MIER1: variants seen among roughly 807,000 people sequenced by gnomAD.
The protein encoded by MIER1 is mesoderm induction early response protein 1.
In MIER1, 40 loss-of-function variants were observed where a neutral mutation model predicts 75.7. That is an observed-to-expected ratio of 0.53 (90% CI 0.41 to 0.69). MIER1 has a LOEUF of 0.69. Among genes scored for constraint, MIER1 ranks in the 30% least tolerant of loss-of-function variants. The probability of loss-of-function intolerance (pLI) is 0.00; values close to 1 mark genes in which losing one functional copy is unlikely to be tolerated. For synonymous variants in MIER1, 213 were observed against 223.4 expected (o/e 0.95, Z 0.42); for missense variants, 574 against 680.2 (o/e 0.84, Z 1.74).
intron 3 of MIER1, among the ~76,000 whole-genome samples, chr1:66,945,567 T>A (rs1657424505): frequency 6.6e-6 from 1 of 152,034 alleles, no homozygotes. Flanking sequence ...ATTAATCAAA[T>A]GGTTAAGAAT....
At chr1:66,947,054 A>G in intron 4 of MIER1, 2 of 955,464 alleles carry the variant, frequency 2.1e-6, no homozygotes, top group Non-Finnish European at 2.5e-6. Context: ...GGTCAGTTGC[A>G]TCAGAATCAA....
chr1:66,959,803 G>A lies in MIER1; in HGVS notation c.699+60G>A, dbSNP rs567875497. Reference sequence around the variant, plus strand: ...AATTAATATTTTTTTAAAAAGCCTCGTGTAATTATTTTTTTTTTTACTAAC... The same window carrying A: ...AATTAATATTTTTTTAAAAAGCCTCATGTAATTATTTTTTTTTTTACTAAC... On this transcript the variant is annotated intron_variant, in intron 7 of 13. Transcript: ENST00000401041. The A allele has an allele frequency of 1.1e-4, 87 of 773,986 alleles. No individual in the cohort carries two copies. In the South Asian group the frequency reaches 1.2e-3, roughly 10 times the overall value. The allele number at this position is 773,986 out of a possible 1,614,324, so 47.9% of individuals were successfully genotyped here.
intron 2 of MIER1, chr1:66,929,087 G>GAT (rs1453976235): frequency 2.9e-6 from 2 of 689,194 alleles, no homozygotes; most frequent in African/African-American, 3.6e-5. Flanking sequence ...GAAAATGCTT[G>GAT]ATAGAGTCTA....
At chr1:66,974,410 A>G (rs543024184) in intron 11 of MIER1, among the ~76,000 whole-genome samples, 53 of 151,992 alleles carry the variant, frequency 3.5e-4, no homozygotes, top group African/African-American at 1.2e-3. Flanking sequence ...GAAAGGGACA[A>G]CATTTTTGGA....
intron 8 of MIER1, among the ~76,000 whole-genome samples, chr1:66,968,434 CTT>C (rs35832076): frequency 1.3e-5 from 2 of 149,036 alleles, no homozygotes; most frequent in Admixed American, 1.3e-4. Context: ...TGAACACAGA[CTT>C]TTTTTTTTAA....
chr1:66,967,019 C>G (rs1005032051), intron 8 of MIER1, among the ~76,000 whole-genome samples: 2 of 152,048 alleles, frequency 1.3e-5, no homozygotes, highest in African/African-American at 4.8e-5. Context: ...TTAATATGAT[C>G]CTATTTGTCT....
intron 8 of MIER1, among the ~76,000 whole-genome samples, chr1:66,970,575 A>G (rs1663395981): frequency 6.6e-6 from 1 of 152,180 alleles, no homozygotes; most frequent in South Asian, 2.1e-4. Context: ...TAAACTCAAG[A>G]TAAAGTCAGA....
At chr1:66,934,405 CTT>C (rs34839262) in intron 2 of MIER1, among the ~76,000 whole-genome samples, 24 of 135,470 alleles carry the variant, frequency 1.8e-4, no homozygotes, top group Admixed American at 2.3e-4. Context: ...TTCTTTCTTT[CTT>C]TTTTTTTTTT....
intron 2 of MIER1, among the ~76,000 whole-genome samples, chr1:66,936,080 A>C (rs1050735181): frequency 6.6e-6 from 1 of 152,200 alleles, no homozygotes; most frequent in Non-Finnish European, 1.5e-5. Flanking sequence ...TGTGGTTGAC[A>C]TAACTTTTTT....
intron 2 of MIER1, among the ~76,000 whole-genome samples, chr1:66,932,068 T>A (rs768931695): frequency 1.8e-4 from 28 of 152,144 alleles, no homozygotes; most frequent in Non-Finnish European, 3.8e-4. Flanking sequence ...TTTTAAAAAA[T>A]AAATTTTATT....
intron 7 of MIER1, chr1:66,960,117 T>A (rs1256324193): frequency 6.5e-6 from 1 of 153,338 alleles, no homozygotes; most frequent in Non-Finnish European, 1.5e-5. Flanking sequence ...AGTCCTGAAC[T>A]AGTGCCAAAT....
At chr1:66,963,861 T>A (rs542310865) in intron 8 of MIER1, among the ~76,000 whole-genome samples, 47 of 151,928 alleles carry the variant, frequency 3.1e-4, no homozygotes, top group Non-Finnish European at 6.0e-4. Context: ...TGAGCCAGTA[T>A]CGCACCACTG....
intron 2 of MIER1, among the ~76,000 whole-genome samples, chr1:66,935,910 A>G (rs1254414724): frequency 6.6e-6 from 1 of 152,148 alleles, no homozygotes; most frequent in Non-Finnish European, 1.5e-5. Flanking sequence ...TGGAAGAACT[A>G]TGTATCATTT....
At chr1:66,939,103 C>T (rs769218384) in intron 2 of MIER1, among the ~76,000 whole-genome samples, 18 of 152,074 alleles carry the variant, frequency 1.2e-4, no homozygotes, top group Non-Finnish European at 2.2e-4. Flanking sequence ...CTCCCACCAT[C>T]TGTATTTTCT....
chr1:66,944,355 C>T (rs17097309), intron 3 of MIER1, among the ~76,000 whole-genome samples: 10,320 of 151,136 alleles, frequency 0.068, 1,125 homozygotes, highest in African/African-American at 0.24. Flanking sequence ...TATCAGTAAA[C>T]AATGCTTTTG....
At chr1:66,949,440 GA>G (rs1658413369) in intron 4 of MIER1, among the ~76,000 whole-genome samples, 1 of 152,002 alleles carries the variant, frequency 6.6e-6, no homozygotes, top group African/African-American at 2.4e-5. Flanking sequence ...CCTGCCTTAG[GA>G]AATAGAAGTT....
intron 2 of MIER1, among the ~76,000 whole-genome samples, chr1:66,931,243 T>C (rs1362400309): frequency 6.6e-6 from 1 of 152,216 alleles, no homozygotes; most frequent in Non-Finnish European, 1.5e-5. Context: ...CTGCTGTTGA[T>C]TTATTAATCG....
In MIER1 at chr1:66,985,085, G is replaced by T; in HGVS notation, c.*185G>T. 7.5e-7 allele frequency: 1 copy of T among 1,326,558 alleles called. No homozygotes were observed. The highest frequency in any genetic ancestry group is 9.7e-7 in the Non-Finnish European group (1 of 1,035,874). 82.2% of individuals were successfully genotyped at this position (1,326,558 alleles called of 1,614,324 possible). ...AGATTTTTTTACTTTAAAGCTGTCA[G>T]ACTCTTTTAAGGGTATTTTAAAAAT... On this transcript the variant is annotated 3_prime_UTR_variant, in exon 14 of 14. Coordinates refer to ENST00000401041, the MANE Select transcript of MIER1 (RefSeq NM_001077700.3).
In MIER1 at chr1:66,986,238, T is replaced by C; in HGVS notation, c.*1338T>C. On this transcript the variant is annotated 3_prime_UTR_variant, in exon 14 of 14. Transcript: ENST00000401041. ...AAATAAGATACACAATAATCATTGC[T>C]CTGTGTGATTACAGATAGGATTATC... 3 of 1,332,610 alleles carry C rather than the reference T, an allele frequency of 2.3e-6. No homozygotes were observed. The highest frequency in any genetic ancestry group is 2.9e-6 in the Non-Finnish European group (3 of 1,043,616). 82.5% of individuals were successfully genotyped at this position (1,332,610 alleles called of 1,614,324 possible).
Sources: allele counts gnomAD v4.1 joint callset (sites outside exome capture counted in the v4.1 genomes callset), GRCh38; gene constraint gnomAD v4.1.1; transcripts MANE v1.5; gene names NCBI Gene and HGNC (gene_info 2026-07-23, HGNC 2026-07-21).